CREB1: variants seen among roughly 807,000 people sequenced by gnomAD.
CREB1 encodes cyclic AMP-responsive element-binding protein 1.
Under a neutral mutation model 42.0 loss-of-function variants are expected in CREB1, and 2 were observed. The observed-to-expected ratio is 0.05, with a 90% CI of 0.02 to 0.15. The LOEUF (loss-of-function observed/expected upper bound fraction) is 0.15, where lower values mean the gene tolerates loss of function less well. CREB1 is among the 10% of genes least tolerant of loss of function. The pLI is 1.00. For synonymous variants in CREB1, 123 were observed against 139.9 expected (o/e 0.88, Z 0.85); for missense variants, 199 against 388.9 (o/e 0.51, Z 4.11).
At chr2:207,561,222 C>G (rs531568761) in intron 3 of CREB1, 1 of 1,370,038 alleles carries the variant, frequency 7.3e-7, no homozygotes, top group South Asian at 1.2e-5. Context: ...AGAAATTATT[C>G]TTTATGTCTT....
intron 3 of CREB1, 130 bp from the exon 4 acceptor site, chr2:207,567,333 C>G: frequency 1.8e-6 from 1 of 558,282 alleles, no homozygotes; most frequent in South Asian, 2.4e-5. Flanking sequence ...GTGTGGTTGT[C>G]TCCCATAAGA....
intron 6 of CREB1, chr2:207,576,552 C>CT (rs2082607744): frequency 2.1e-6 from 1 of 485,044 alleles, no homozygotes; most frequent in East Asian, 7.2e-5. Context: ...AGAATATATT[C>CT]TGTTATTAAA....
intron 5 of CREB1, 96 bp downstream of exon 5, chr2:207,570,417 G>A (rs113872103): frequency 8.3e-7 from 1 of 1,205,930 alleles, no homozygotes; most frequent in South Asian, 1.7e-5. Context: ...CAATACAAGT[G>A]CCAAGTCTTC....
At chr2:207,546,053 C>A (rs543503152) in intron 1 of CREB1, among the ~76,000 whole-genome samples, 1 of 152,142 alleles carries the variant, frequency 6.6e-6, no homozygotes, top group African/African-American at 2.4e-5. Context: ...TTTTCTTTAA[C>A]TGAGGAAATT....
chr2:207,562,487 A>T (rs999719568), intron 3 of CREB1, among the ~76,000 whole-genome samples: 7 of 151,860 alleles, frequency 4.6e-5, no homozygotes, highest in African/African-American at 1.7e-4. Flanking sequence ...TCTTTTTTTT[A>T]TTTGCTTGTA....
rs1361902845 is a variant in CREB1, at chr2:207,558,595, A to G, written c.115-1631A>G. On this transcript the variant is annotated intron_variant, in intron 2 of 7. Transcript: ENST00000353267. ...GGCTTTCTTCGTTGGTCTCCCCACC[A>G]CCAGTTTTCCCCCTGAAATATATAT... is the stretch of plus-strand genomic sequence containing the variant. Among the ~76,000 whole-genome samples the G allele has an allele frequency of 3.3e-5, 5 of 149,492 alleles. No homozygotes were observed. The East Asian group carries it at 7.8e-4, about 23-fold the overall frequency.
chr2:207,556,318 G>A (rs986316451), intron 2 of CREB1, among the ~76,000 whole-genome samples: 6 of 152,024 alleles, frequency 3.9e-5, no homozygotes, highest in African/African-American at 1.4e-4. Context: ...TTGTTTGCAT[G>A]CATTCTCCTC....
chr2:207,549,131 C>A (rs770858573), intron 1 of CREB1, among the ~76,000 whole-genome samples: 5 of 152,082 alleles, frequency 3.3e-5, no homozygotes, highest in Non-Finnish European at 5.9e-5. Flanking sequence ...ATATTTATAA[C>A]CTTTGTTACA....
intron 1 of CREB1, among the ~76,000 whole-genome samples, chr2:207,547,266 C>T (rs982169798): frequency 3.3e-5 from 5 of 152,206 alleles, no homozygotes; most frequent in African/African-American, 1.2e-4. Context: ...ACATTCATCT[C>T]CCATTTGGAT....
chr2:207,563,980 T>C (rs1012862286), intron 3 of CREB1, among the ~76,000 whole-genome samples: 5 of 152,132 alleles, frequency 3.3e-5, no homozygotes, highest in African/African-American at 1.2e-4. Context: ...TAATGAAGCA[T>C]ATTATGTCAT....
At position 207,603,011 on chromosome 2, in the gene CREB1, A is replaced by G. The variant is rs1166980138; in HGVS notation, c.*5953A>G. 4.7e-6 allele frequency: 1 copy of G among 214,114 alleles called. No homozygotes were observed. Among genetic ancestry groups the G allele is most frequent in the Non-Finnish European group, 9.4e-6 (1 of 105,974 alleles). 13.3% of individuals were successfully genotyped at this position (214,114 alleles called of 1,614,324 possible). A position where few individuals can be genotyped will look rare whatever the true frequency, so the allele number is the denominator to read the frequency against. ...CTTTTTGGTTTTTGAGGGTTGGGGT[A>G]AAGAAGACTTCCCCCACAACTGTCA... On this transcript the variant is annotated 3_prime_UTR_variant, in exon 8 of 8. Transcript: ENST00000353267.
At chr2:207,553,747 A>T (rs997113174) in intron 1 of CREB1, among the ~76,000 whole-genome samples, 9 of 152,324 alleles carry the variant, frequency 5.9e-5, no homozygotes, top group Middle Eastern at 3.4e-3. Flanking sequence ...GGGAAGAAAG[A>T]TACTTAAGTC....
chr2:207,556,320 A>G (rs1017348653), intron 2 of CREB1, among the ~76,000 whole-genome samples: 1 of 152,090 alleles, frequency 6.6e-6, no homozygotes, highest in Non-Finnish European at 1.5e-5. Flanking sequence ...GTTTGCATGC[A>G]TTCTCCTCAA....
At chr2:207,572,306 G>A (rs1253152216) in intron 5 of CREB1, among the ~76,000 whole-genome samples, 1 of 150,822 alleles carries the variant, frequency 6.6e-6, no homozygotes, top group Non-Finnish European at 1.5e-5. Context: ...TGTCCTCTCT[G>A]TATATGTACA....
rs939576948 is a variant in CREB1 at position 207,601,770 on chromosome 2, G to A, written c.*4712G>A. On this transcript the variant is annotated 3_prime_UTR_variant, in exon 8 of 8. Coordinates refer to ENST00000353267, the MANE Select transcript of CREB1 (RefSeq NM_004379.5). ...AAATTTGATTTCAGATGAGGAAGGA[G>A]AAAGTAAAGTGTGCATAGTAAGGCT... 6 of 218,288 alleles carry A rather than the reference G, an allele frequency of 2.7e-5. No homozygotes were observed. The highest frequency in any genetic ancestry group is 5.5e-5 in the Non-Finnish European group (6 of 108,710). The allele number at this position is 218,288 out of a possible 1,614,324, so 13.5% of individuals were successfully genotyped here.
Position 207,563,837 on chromosome 2 carries a change from G to A in CREB1, c.261+3465G>A, listed in dbSNP as rs79525650. ...TAGGCACCTATAGTCCCAGCTACTC[G>A]GGAGGCTAAGGCACGAGAATCACTT... On this transcript the variant is annotated intron_variant, in intron 3 of 7. Transcript: ENST00000353267. Among the ~76,000 whole-genome samples the A allele has an allele frequency of 9.9e-4, 150 of 152,138 alleles. No individual in the cohort carries two copies. The East Asian group carries it at 0.021, about 21-fold the overall frequency.
intron 5 of CREB1, among the ~76,000 whole-genome samples, chr2:207,574,897 G>C (rs2082514439): frequency 6.6e-6 from 1 of 152,156 alleles, no homozygotes; most frequent in Admixed American, 6.5e-5. Flanking sequence ...CTACTCTCCA[G>C]AAATTTATTT....
intron 4 of CREB1, among the ~76,000 whole-genome samples, chr2:207,569,102 C>T (rs1424475817): frequency 6.6e-6 from 1 of 152,104 alleles, no homozygotes; most frequent in Non-Finnish European, 1.5e-5. Context: ...TTTGGATGTA[C>T]CATAGTTGAT....
chr2:207,537,056 G>A (rs1345838417), intron 1 of CREB1, among the ~76,000 whole-genome samples: 2 of 5,670 alleles, frequency 3.5e-4, no homozygotes, highest in Non-Finnish European at 4.7e-3. Flanking sequence ...AAAGTGCTTT[G>A]TTGTTGTTGT....
Sources: allele counts gnomAD v4.1 joint callset (sites outside exome capture counted in the v4.1 genomes callset), GRCh38; gene constraint gnomAD v4.1.1; transcripts MANE v1.5; gene names NCBI Gene and HGNC (gene_info 2026-07-23, HGNC 2026-07-21).